The following GYPE variants were observed in gnomAD, a reference collection of about 807,000 sequenced individuals.
GYPE encodes glycophorin E (MNS blood group).
GYPE carries 8 observed loss-of-function variants against 11.6 expected under a neutral mutation model. That is an observed-to-expected ratio of 0.69 (90% confidence interval 0.41 to 1.25). The LOEUF (loss-of-function observed/expected upper bound fraction) is 1.25. Ranked by LOEUF, GYPE falls within the 50% of genes most tolerant of loss-of-function variation. GYPE has a pLI of 0.01. For missense variants in GYPE, 90 were observed against 92.8 expected, an observed-to-expected ratio of 0.97 and a Z score of 0.12; for synonymous variants, 28 against 29.6, an observed-to-expected ratio of 0.94 and a Z score of 0.18.
At chr4:143,895,732 C>A (rs945826514) in intron 1 of GYPE, among the ~76,000 whole-genome samples, 6 of 147,828 alleles carry the variant, frequency 4.1e-5, no homozygotes, top group Non-Finnish European at 9.0e-5. Context: ...AAGCTGGAGG[C>A]ATCACGCTAC....
At chr4:143,879,587 A>G (rs574269689) in intron 2 of GYPE, among the ~76,000 whole-genome samples, 1 of 152,294 alleles carries the variant, frequency 6.6e-6, no homozygotes, top group Non-Finnish European at 1.5e-5. Context: ...CTCCAGAGCA[A>G]CTATTTAAAA....
chr4:143,875,449 G>C, intron 3 of GYPE: 1 of 1,550,680 alleles, frequency 6.4e-7, no homozygotes, highest in African/African-American at 1.4e-5. Context: ...ATAAGCAAGA[G>C]AACAGCAGGT....
chr4:143,876,676 T>C, intron 3 of GYPE, 70 bp downstream of exon 3: 1 of 767,130 alleles, frequency 1.3e-6, no homozygotes, highest in South Asian at 1.5e-5. Context: ...TTAACTGAAC[T>C]CAGAGGAATA....
intron 1 of GYPE, among the ~76,000 whole-genome samples, chr4:143,902,539 C>G (rs1466935550): frequency 2.6e-5 from 4 of 151,904 alleles, no homozygotes; most frequent in Non-Finnish European, 5.9e-5. Flanking sequence ...TCTTCCTTTC[C>G]CTTCTCTCTT....
At chr4:143,893,591 A>G (rs1744498134) in intron 1 of GYPE, among the ~76,000 whole-genome samples, 1 of 152,140 alleles carries the variant, frequency 6.6e-6, no homozygotes, top group South Asian at 2.1e-4. Context: ...GCTGTATATG[A>G]AATTCTGGAT....
intron 3 of GYPE, 37 bp downstream of exon 3, chr4:143,876,709 C>T (rs1238020437): frequency 1.9e-6 from 2 of 1,039,136 alleles, no homozygotes; most frequent in East Asian, 2.5e-5. Context: ...GCTGTTCACA[C>T]TGGTATTTAG....
chr4:143,895,754 C>G (rs1199626964), intron 1 of GYPE, among the ~76,000 whole-genome samples: 2 of 150,374 alleles, frequency 1.3e-5, no homozygotes, highest in Admixed American at 6.6e-5. Context: ...TGGCTTCAAA[C>G]TATACTACAA....
intron 2 of GYPE, among the ~76,000 whole-genome samples, chr4:143,879,634 C>A (rs1057026002): frequency 3.3e-5 from 5 of 152,154 alleles, no homozygotes; most frequent in Non-Finnish European, 7.3e-5. Context: ...GGAGGGTAAA[C>A]AGTTGTAACA....
At chr4:143,903,278 A>G (rs1247179075) in intron 1 of GYPE, among the ~76,000 whole-genome samples, 1 of 149,352 alleles carries the variant, frequency 6.7e-6, no homozygotes, top group African/African-American at 2.6e-5. Flanking sequence ...ACTGTGCCCA[A>G]CCTCCGTGTA....
At chr4:143,900,197 TCTCAGCATCATG>T (rs1744807927) in intron 1 of GYPE, among the ~76,000 whole-genome samples, 2 of 146,558 alleles carry the variant, frequency 1.4e-5, no homozygotes, top group African/African-American at 5.0e-5. Context: ...ATGAGAAGAT[TCTCAGCATCATG>T]AGTTATCAGG....
chr4:143,875,386 G>T lies in GYPE; in HGVS notation c.*9+1360C>A, dbSNP rs957433382. 1.4e-5 allele frequency: 20 copies of T among 1,389,742 alleles called. No homozygotes were observed. The African/African-American group carries it at 2.1e-4, about 15-fold the overall frequency. 86.1% of individuals were successfully genotyped at this position (1,389,742 alleles called of 1,614,324 possible). On this transcript the variant is annotated intron_variant, in intron 3 of 3. Transcript: ENST00000358615. ...AATAGGCAGGAGAACAGGGAGTTAG[G>T]ATAGCCAAGGGTTGGGGCATAAGCA...
chr4:143,897,050 T>C (rs1744680205), intron 1 of GYPE, among the ~76,000 whole-genome samples: 1 of 152,054 alleles, frequency 6.6e-6, no homozygotes, highest in Non-Finnish European at 1.5e-5. Flanking sequence ...GAGATATACC[T>C]AATGCTAAAT....
intron 1 of GYPE, among the ~76,000 whole-genome samples, chr4:143,899,499 A>C (rs1744781455): frequency 1.3e-5 from 2 of 152,286 alleles, no homozygotes; most frequent in South Asian, 4.1e-4. Context: ...TGAAATTGTT[A>C]GGGATCTAAA....
intron 1 of GYPE, among the ~76,000 whole-genome samples, chr4:143,881,033 T>C (rs910997186): frequency 1.4e-4 from 21 of 152,114 alleles, no homozygotes; most frequent in African/African-American, 4.8e-4. Flanking sequence ...CATATCTCAG[T>C]GTCTCCATCT....
At chr4:143,893,531 G>T (rs1744495959) in intron 1 of GYPE, among the ~76,000 whole-genome samples, 1 of 151,822 alleles carries the variant, frequency 6.6e-6, no homozygotes, top group Admixed American at 6.6e-5. Context: ...CTCAGCATTT[G>T]CTTGTCTGTA....
rs1251864992 is a variant in GYPE, at chr4:143,892,938, G to A, written c.38-12429C>T. ...TAAAGTCTCCCACTATTATTGTGTGGGAGTCTAAGTCTCTTTGTAGGTCAC... is the reference window on the plus strand; with the variant it reads ...TAAAGTCTCCCACTATTATTGTGTGAGAGTCTAAGTCTCTTTGTAGGTCAC... On this transcript the variant is annotated intron_variant, in intron 1 of 3. Transcript: ENST00000358615. 2.0e-5 allele frequency among the ~76,000 whole-genome samples: 3 copies of A among 149,790 alleles called. No homozygotes were observed. In the Admixed American group the frequency reaches 2.0e-4, roughly 10 times the overall value.
Position 143,875,354 on chromosome 4 carries a change from A to G in GYPE, c.*9+1392T>C, listed in dbSNP as rs1344085154. 1.2e-5 allele frequency: 11 copies of G among 921,754 alleles called. No homozygotes were observed. In the East Asian group the frequency reaches 2.9e-4, roughly 25 times the overall value. The allele number at this position is 921,754 out of a possible 1,614,324, so 57.1% of individuals were successfully genotyped here. ...TTTTATTTTTATTTAGAAGTAGAGA[A>G]TACAGTAATAGGCAGGAGAACAGGG... On this transcript the variant is annotated intron_variant, in intron 3 of 3. Coordinates refer to ENST00000358615, the MANE Select transcript of GYPE (RefSeq NM_198682.3).
intron 1 of GYPE, among the ~76,000 whole-genome samples, chr4:143,902,204 T>A (rs1744892725): frequency 6.6e-6 from 1 of 151,978 alleles, no homozygotes; most frequent in South Asian, 2.1e-4. Context: ...GCTGACAATG[T>A]GTGGGACACA....
intron 2 of GYPE, among the ~76,000 whole-genome samples, chr4:143,880,113 G>A (rs1578956697): frequency 6.6e-6 from 1 of 152,272 alleles, no homozygotes; most frequent in East Asian, 1.9e-4. Flanking sequence ...CAGACCCTCC[G>A]CACCACCGCA....
Sources: allele counts gnomAD v4.1 joint callset (sites outside exome capture counted in the v4.1 genomes callset), GRCh38; gene constraint gnomAD v4.1.1; transcripts MANE v1.5; gene names NCBI Gene and HGNC (gene_info 2026-07-23, HGNC 2026-07-21).